Variants in IMMP2L observed in about 807,000 individuals in gnomAD.
IMMP2L encodes the protein mitochondrial inner membrane protease subunit 2.
A neutral mutation model predicts 19.3 loss-of-function variants in IMMP2L; 18 were observed. The observed-to-expected ratio is 0.93, with a 90% confidence interval of 0.64 to 1.38. The LOEUF (loss-of-function observed/expected upper bound fraction) is 1.38, where lower values mean the gene tolerates loss of function less well. Among genes scored for constraint, IMMP2L ranks in the 40% most tolerant of loss-of-function variants. The pLI is 0.00. For missense variants in IMMP2L, 233 were observed against 218.2 expected (o/e 1.07, Z -0.43); for synonymous variants, 76 against 73.0 (o/e 1.04, Z -0.21).
At chr7:110,704,742 A>C (rs1326533866) in intron 5 of IMMP2L, among the ~76,000 whole-genome samples, 2 of 152,242 alleles carry the variant, frequency 1.3e-5, no homozygotes, top group Non-Finnish European at 2.9e-5. Context: ...GACTATCAGG[A>C]AAAGTAAACT....
chr7:110,763,909 T>C (rs1037342089), intron 5 of IMMP2L, among the ~76,000 whole-genome samples: 1 of 152,148 alleles, frequency 6.6e-6, no homozygotes, highest in African/African-American at 2.4e-5. Flanking sequence ...GCACTATTAA[T>C]TTGGTTAATG....
chr7:111,048,702 G>A (rs543816655), intron 3 of IMMP2L, among the ~76,000 whole-genome samples: 11 of 152,242 alleles, frequency 7.2e-5, no homozygotes, highest in African/African-American at 2.6e-4. Context: ...GATTATTAAC[G>A]TGAACTCTGA....
chr7:111,185,869 C>T (rs1248686579), intron 3 of IMMP2L, among the ~76,000 whole-genome samples: 1 of 152,104 alleles, frequency 6.6e-6, no homozygotes, highest in Non-Finnish European at 1.5e-5. Context: ...ATTTTAAATT[C>T]TATGACTTGG....
intron 4 of IMMP2L, among the ~76,000 whole-genome samples, chr7:110,928,710 T>C (rs759100342): frequency 6.6e-6 from 1 of 152,124 alleles, no homozygotes; most frequent in African/African-American, 2.4e-5. Flanking sequence ...TTACACTAGA[T>C]TTTAACATTC....
At chr7:110,675,902 T>C (rs749106571) in intron 5 of IMMP2L, among the ~76,000 whole-genome samples, 4 of 152,196 alleles carry the variant, frequency 2.6e-5, no homozygotes, top group African/African-American at 9.6e-5. Context: ...ATCCTACTTA[T>C]GTGTCATCCT....
At chr7:110,681,999 G>T (rs571856839) in intron 5 of IMMP2L, among the ~76,000 whole-genome samples, 1 of 152,224 alleles carries the variant, frequency 6.6e-6, no homozygotes, top group South Asian at 2.1e-4. Context: ...AAAGAAGAAA[G>T]AAAAATGTGT....
chr7:111,243,440 G>C (rs1314882662), intron 3 of IMMP2L, among the ~76,000 whole-genome samples: 2 of 150,780 alleles, frequency 1.3e-5, no homozygotes, highest in Non-Finnish European at 3.0e-5. Context: ...AGTCCTTCAT[G>C]TTTTACATAT....
intron 3 of IMMP2L, among the ~76,000 whole-genome samples, chr7:111,035,696 C>T (rs895195931): frequency 1.3e-5 from 2 of 152,086 alleles, no homozygotes; most frequent in Admixed American, 6.6e-5. Flanking sequence ...AAGAAAGTTC[C>T]AGAAATGTTG....
chr7:110,912,409 TAATA>T (rs1186274865), intron 4 of IMMP2L, among the ~76,000 whole-genome samples: 3 of 152,044 alleles, frequency 2.0e-5, no homozygotes, highest in Non-Finnish European at 4.4e-5. Flanking sequence ...TGGGCAGAGA[TAATA>T]AATAATTAGT....
At chr7:111,397,672 C>T (rs1833009419) in intron 3 of IMMP2L, among the ~76,000 whole-genome samples, 1 of 152,058 alleles carries the variant, frequency 6.6e-6, no homozygotes, top group Non-Finnish European at 1.5e-5. Flanking sequence ...TTAATAAATT[C>T]ATTTTTCATT....
At chr7:110,920,247 T>C (rs537052700) in intron 4 of IMMP2L, among the ~76,000 whole-genome samples, 92 of 152,282 alleles carry the variant, frequency 6.0e-4, no homozygotes, top group African/African-American at 2.1e-3. Flanking sequence ...TCCCCATTTA[T>C]ATATACATGT....
chr7:111,264,200 A>C (rs1300324864), intron 3 of IMMP2L, among the ~76,000 whole-genome samples: 1 of 152,124 alleles, frequency 6.6e-6, no homozygotes, highest in Non-Finnish European at 1.5e-5. Flanking sequence ...CACATCATAC[A>C]GTTTACTATT....
At chr7:110,852,389 T>C (rs1398209547) in intron 5 of IMMP2L, among the ~76,000 whole-genome samples, 1 of 152,016 alleles carries the variant, frequency 6.6e-6, no homozygotes, top group Non-Finnish European at 1.5e-5. Flanking sequence ...GAACAACACC[T>C]TGCATGAGTT....
intron 3 of IMMP2L, among the ~76,000 whole-genome samples, chr7:111,068,679 G>C (rs1307271971): frequency 6.6e-6 from 1 of 152,100 alleles, no homozygotes; most frequent in Non-Finnish European, 1.5e-5. Context: ...TTTAGCAACA[G>C]AGCAACCTCT....
In IMMP2L at chr7:111,530,189, G is replaced by T. The variant is rs756935285; in HGVS notation, c.-2-8740C>A. On this transcript the variant is annotated intron_variant, in intron 1 of 5. Coordinates refer to ENST00000405709, the MANE Select transcript of IMMP2L (RefSeq NM_032549.4). ...TTTTTCATCTGTGAAACCTTGCAGG[G>T]TTTCCAGAGGTTCAAAATGTTCATA... Among the ~76,000 whole-genome samples, 914 of 152,202 alleles carry T rather than the reference G, an allele frequency of 6.0e-3. 3 individuals carry two copies. The highest frequency in any genetic ancestry group is 9.5e-3 in the Non-Finnish European group (645 of 68,012).
chr7:111,104,709 G>A (rs1029521839), intron 3 of IMMP2L, among the ~76,000 whole-genome samples: 1 of 151,740 alleles, frequency 6.6e-6, no homozygotes, highest in Non-Finnish European at 1.5e-5. Flanking sequence ...AAGTGTGAAG[G>A]ACTTGTCACA....
intron 5 of IMMP2L, among the ~76,000 whole-genome samples, chr7:110,785,864 T>C (rs1281230439): frequency 6.6e-6 from 1 of 151,588 alleles, no homozygotes; most frequent in African/African-American, 2.4e-5. Flanking sequence ...AATTTGTCAA[T>C]GGCACATTGA....
chr7:111,050,823 C>A (rs765063387), intron 3 of IMMP2L, among the ~76,000 whole-genome samples: 1 of 152,174 alleles, frequency 6.6e-6, no homozygotes, highest in Non-Finnish European at 1.5e-5. Context: ...GGTATCCATG[C>A]GCCTTGGAAA....
At chr7:111,143,194 G>T (rs988620199) in intron 3 of IMMP2L, among the ~76,000 whole-genome samples, 1 of 152,100 alleles carries the variant, frequency 6.6e-6, no homozygotes, top group Non-Finnish European at 1.5e-5. Context: ...CAAAAGCATG[G>T]ATTTCAAAAA....
Sources: gnomAD v4.1 joint callset for allele counts (sites outside exome capture counted in the v4.1 genomes callset) on GRCh38, gnomAD v4.1.1 for gene constraint, MANE v1.5 for transcripts, NCBI Gene and HGNC (gene_info 2026-07-23, HGNC 2026-07-21) for gene names.